The following TMSB10 variants were observed in gnomAD, a reference collection of about 807,000 sequenced individuals.
TMSB10 encodes thymosin beta 10.
In TMSB10, 4 loss-of-function variants were observed where a neutral mutation model predicts 4.5. That is an observed-to-expected ratio of 0.89 (90% CI 0.44 to 2.03). The LOEUF (loss-of-function observed/expected upper bound fraction) is 2.03. Ranked by LOEUF, TMSB10 falls within the 30% of genes most tolerant of loss-of-function variation. The pLI, the probability that TMSB10 is intolerant of heterozygous loss-of-function variation, is 0.03. For missense variants in TMSB10, 44 were observed against 53.9 expected (o/e 0.82, Z 0.57); for synonymous variants, 17 against 20.3 (o/e 0.84, Z 0.44).
At position 84,906,430 on chromosome 2, in the gene TMSB10, G is replaced by A. The variant is rs1683696041; in HGVS notation, c.*7G>A. 1 of 1,605,872 alleles carries A rather than the reference G, an allele frequency of 6.2e-7. No homozygotes were observed. The highest frequency in any genetic ancestry group is 1.3e-5 in the African/African-American group (1 of 74,820). ...GCGGAGTGAAATTTCCTAAGATCCTGGAGGATTTCCTACCCCCGTCCTCTT... is the reference window on the plus strand; with the variant it reads ...GCGGAGTGAAATTTCCTAAGATCCTAGAGGATTTCCTACCCCCGTCCTCTT... On this transcript the variant is annotated 3_prime_UTR_variant, in exon 3 of 3. Transcript: ENST00000233143.
Position 84,906,446 on chromosome 2 carries a change from C to A in TMSB10, c.*23C>A, listed in dbSNP as rs559703628. On this transcript the variant is annotated 3_prime_UTR_variant, in exon 3 of 3. Coordinates refer to ENST00000233143, the MANE Select transcript of TMSB10 (RefSeq NM_021103.4). Reference sequence around the variant, plus strand: ...TAAGATCCTGGAGGATTTCCTACCCCCGTCCTCTTCGAGACCCCAGTCGTG... The same window carrying A: ...TAAGATCCTGGAGGATTTCCTACCCACGTCCTCTTCGAGACCCCAGTCGTG... The A allele has an allele frequency of 9.4e-6, 15 of 1,602,184 alleles. No individual in the cohort carries two copies. The highest frequency in any genetic ancestry group is 1.7e-4 in the Middle Eastern group (1 of 6,046).
intron 2 of TMSB10, 111 bp downstream of exon 2, chr2:84,906,228 C>T (rs1683690688): frequency 2.1e-6 from 3 of 1,437,498 alleles, no homozygotes; most frequent in African/African-American, 1.4e-5. Flanking sequence ...TGGGCGGCCC[C>T]GGCCACTCTT....
Position 84,906,271 on chromosome 2 carries a change from C to T in TMSB10, c.101-118C>T, listed in dbSNP as rs963318785. ...CACAAAGCGCCTTGTTTCTCCCCAG[C>T]CCCAAGCTTCCTTCTAAATCCCCAC... On this transcript the variant is annotated intron_variant, in intron 2 of 2. Coordinates refer to ENST00000233143, the MANE Select transcript of TMSB10 (RefSeq NM_021103.4). 3 of 1,449,568 alleles carry T rather than the reference C, an allele frequency of 2.1e-6. No homozygotes were observed. In the African/African-American group the frequency reaches 4.3e-5, roughly 21 times the overall value. The allele number at this position is 1,449,568 out of a possible 1,614,324, so 89.8% of individuals were successfully genotyped here.
At chr2:84,906,197 A>ACCCCCCC in intron 2 of TMSB10, 80 bp downstream of exon 2, 2 of 1,432,818 alleles carry the variant, frequency 1.4e-6, no homozygotes. Context: ...TCCACCCCCC[A>ACCCCCCC]CCCCGCCGTT....
Position 84,905,995 on chromosome 2 carries a change from C to G in TMSB10, c.-15-8C>G. The G allele has an allele frequency of 3.1e-6, 5 of 1,609,866 alleles. No individual in the cohort carries two copies. The highest frequency in any genetic ancestry group is 3.4e-6 in the Non-Finnish European group (4 of 1,177,254). On this transcript the variant is annotated splice_polypyrimidine_tract_variant and splice_region_variant and intron_variant, in intron 1 of 2. Transcript: ENST00000233143. ...GGCCCAGGTCAAGCGCCTTGGTTTG[C>G]CCACTAGGATTGTTTTAAGAAAATG...
At position 84,906,384 on chromosome 2, in the gene TMSB10, C is replaced by T. The variant is rs756504605; in HGVS notation, c.101-5C>T. 1 of 1,603,120 alleles carries T rather than the reference C, an allele frequency of 6.2e-7. No individual in the cohort carries two copies. The highest frequency in any genetic ancestry group is 8.5e-7 in the Non-Finnish European group (1 of 1,175,788). ...CCTCCAGCGCCCGCTTCCCGCTCTC[C>T]ACAGCCATTGAGCAGGAGAAGCGGA... On this transcript the variant is annotated splice_polypyrimidine_tract_variant and splice_region_variant and intron_variant, in intron 2 of 2. Coordinates refer to ENST00000233143, the MANE Select transcript of TMSB10 (RefSeq NM_021103.4).
intron 1 of TMSB10, 112 bp downstream of exon 1, chr2:84,905,830 C>G: frequency 2.1e-6 from 1 of 474,064 alleles, no homozygotes. Context: ...ACGCAGGGGC[C>G]GGCGACCACG....
intron 1 of TMSB10, 33 bp from the exon 2 acceptor site, chr2:84,905,970 G>A: frequency 1.3e-6 from 2 of 1,586,124 alleles, no homozygotes; most frequent in Admixed American, 1.7e-5. Flanking sequence ...CTGGCCCCCA[G>A]GCCCAGGTCA....
chr2:84,906,537 C>G lies in TMSB10; in HGVS notation c.*114C>G. The G allele has an allele frequency of 1.6e-6, 2 of 1,261,048 alleles. No homozygotes were observed. The highest frequency in any genetic ancestry group is 2.1e-6 in the Non-Finnish European group (2 of 936,276). The allele number at this position is 1,261,048 out of a possible 1,614,324, so 78.1% of individuals were successfully genotyped here. A position where few individuals can be genotyped will look rare whatever the true frequency, so the allele number is the denominator to read the frequency against. On this transcript the variant is annotated 3_prime_UTR_variant, in exon 3 of 3. Coordinates refer to ENST00000233143, the MANE Select transcript of TMSB10 (RefSeq NM_021103.4). ...AAGCTGCACTGTGAACCTGGGCACT[C>G]CGCGCCGATGCCACCGGCCTGTGGG...
intron 2 of TMSB10, 108 bp from the exon 3 acceptor site, chr2:84,906,280 TC>T: frequency 6.8e-7 from 1 of 1,460,332 alleles, no homozygotes; most frequent in Admixed American, 2.4e-5. Context: ...GCCCCAAGCT[TC>T]CTTCTAAATC....
rs145281097 is a variant in TMSB10 at position 84,905,940 on chromosome 2, G to T, written c.-15-63G>T. ...GAGTGCCACGTCGAGAGGCGTCGGC[G>T]GGGAGCGCGGAAGGGGACGCTGGCC... On this transcript the variant is annotated intron_variant, in intron 1 of 2. Coordinates refer to ENST00000233143, the MANE Select transcript of TMSB10 (RefSeq NM_021103.4). The T allele has an allele frequency of 5.3e-4, 753 of 1,416,750 alleles. 7 individuals carry two copies. In the African/African-American group the frequency reaches 7.2e-3, roughly 13 times the overall value. 87.8% of individuals were successfully genotyped at this position (1,416,750 alleles called of 1,614,324 possible).
Position 84,906,613 on chromosome 2 carries a change from C to A in TMSB10, c.*190C>A. 1 of 513,522 alleles carries A rather than the reference C, an allele frequency of 1.9e-6. No individual in the cohort carries two copies. The highest frequency in any genetic ancestry group is 3.3e-6 in the Non-Finnish European group (1 of 302,412). 31.8% of individuals were successfully genotyped at this position (513,522 alleles called of 1,614,324 possible). A position where few individuals can be genotyped will look rare whatever the true frequency, so the allele number is the denominator to read the frequency against. On this transcript the variant is annotated 3_prime_UTR_variant, in exon 3 of 3. Coordinates refer to ENST00000233143, the MANE Select transcript of TMSB10 (RefSeq NM_021103.4). ...GGACTGCCAAATTCTCCGGTTTGCC[C>A]CGGGATATTATAGAAAATTATTTGT...
At chr2:84,906,334 G>A in intron 2 of TMSB10, 55 bp from the exon 3 acceptor site, 4 of 1,557,044 alleles carry the variant, frequency 2.6e-6, no homozygotes, top group Non-Finnish European at 3.5e-6. Context: ...GAAGCACCTC[G>A]GTTGCGGGTG....
Position 84,906,641 on chromosome 2 carries a change from G to C in TMSB10, c.*218G>C. 2 of 471,456 alleles carry C rather than the reference G, an allele frequency of 4.2e-6. No homozygotes were observed. Among genetic ancestry groups the C allele is most frequent in the Non-Finnish European group, 3.7e-6 (1 of 271,040 alleles). The allele number at this position is 471,456 out of a possible 1,614,324, so 29.2% of individuals were successfully genotyped here. A position where few individuals can be genotyped will look rare whatever the true frequency, so the allele number is the denominator to read the frequency against. ...GGATATTATAGAAAATTATTTGTATGAATAATGAAAATAAAACACACCTCG... is the reference window on the plus strand; with the variant it reads ...GGATATTATAGAAAATTATTTGTATCAATAATGAAAATAAAACACACCTCG... On this transcript the variant is annotated 3_prime_UTR_variant, in exon 3 of 3. Transcript: ENST00000233143.
At chr2:84,906,139 G>C (rs760644166) in intron 2 of TMSB10, 22 bp downstream of exon 2, 1 of 1,609,478 alleles carries the variant, frequency 6.2e-7, no homozygotes, top group Admixed American at 1.7e-5. Flanking sequence ...TCGGTCTCCC[G>C]CGCCCCAGCC....
intron 2 of TMSB10, 53 bp downstream of exon 2, chr2:84,906,170 C>A: frequency 1.3e-5 from 20 of 1,560,340 alleles, no homozygotes; most frequent in Non-Finnish European, 1.7e-5. Flanking sequence ...CCCTGCTCTT[C>A]CTTGCAAACC....
Position 84,906,040 on chromosome 2 carries a change from G to A in TMSB10, c.23G>A (p.Gly8Glu). 4 of 1,614,070 alleles carry A rather than the reference G, an allele frequency of 2.5e-6. No individual in the cohort carries two copies. The highest frequency in any genetic ancestry group is 3.4e-6 in the Non-Finnish European group (4 of 1,179,974). The change falls in exon 2 of 3, where the codon GGG becomes GAG. Residue 8 changes from glycine (G) to glutamate (E), a missense_variant. Physicochemically the swap from Gly to Glu is moderately conservative, Grantham distance 98. Transcript: ENST00000233143. Reference protein sequence around the residue: MADKPDMGEIASFDKAKL... With the variant: MADKPDMEEIASFDKAKL... The stretch of plus-strand genomic sequence containing the variant: ...AAAATGGCAGACAAACCAGACATGG[G>A]GGAAATCGCCAGCTTCGATAAGGCC...
At chr2:84,906,192 C>G in intron 2 of TMSB10, 75 bp downstream of exon 2, 2 of 1,482,124 alleles carry the variant, frequency 1.3e-6, no homozygotes, top group South Asian at 2.5e-5. Flanking sequence ...ACTCCTCCAC[C>G]CCCCACCCCG....
At chr2:84,905,901 G>C in intron 1 of TMSB10, 102 bp from the exon 2 acceptor site, 4 of 948,532 alleles carry the variant, frequency 4.2e-6, no homozygotes, top group Admixed American at 4.4e-5. Context: ...GGGCTGCTCG[G>C]CACGCCTTGG....
Sources: allele counts gnomAD v4.1 joint callset, GRCh38; gene constraint gnomAD v4.1.1; transcripts MANE v1.5; gene names NCBI Gene and HGNC (gene_info 2026-07-23, HGNC 2026-07-21).